The following ADAMTS9 variants were observed in gnomAD, a reference collection of about 807,000 sequenced individuals.
The protein encoded by ADAMTS9 is A disintegrin and metalloproteinase with thrombospondin motifs 9.
In ADAMTS9, 107 loss-of-function variants were observed where a neutral mutation model predicts 257.1. That is an observed-to-expected ratio of 0.42 (90% CI 0.36 to 0.49). The LOEUF is 0.49. ADAMTS9 is among the 20% of genes least tolerant of loss of function. The probability of loss-of-function intolerance (pLI) is 0.03; values close to 1 mark genes in which losing one functional copy is unlikely to be tolerated. For synonymous variants in ADAMTS9, 982 were observed against 880.9 expected, an observed-to-expected ratio of 1.11 and a Z score of -2.03; for missense variants, 2,353 against 2,469.1, an observed-to-expected ratio of 0.95 and a Z score of 1.00.
At chr3:64,666,062 G>A (rs1472716118) in intron 3 of ADAMTS9, among the ~76,000 whole-genome samples, 5 of 152,014 alleles carry the variant, frequency 3.3e-5, no homozygotes, top group African/African-American at 1.2e-4. Flanking sequence ...TTTAAAAAAA[G>A]GATTACAAAA....
intron 26 of ADAMTS9, among the ~76,000 whole-genome samples, chr3:64,597,334 G>A (rs750453151): frequency 1.8e-4 from 28 of 152,152 alleles, no homozygotes; most frequent in African/African-American, 5.5e-4. Flanking sequence ...TGATGGACAC[G>A]ACAGTTAATT....
At chr3:64,631,084 G>A (rs1472589478) in intron 16 of ADAMTS9, among the ~76,000 whole-genome samples, 1 of 152,152 alleles carries the variant, frequency 6.6e-6, no homozygotes, top group East Asian at 1.9e-4. Flanking sequence ...GTCAAGTAAT[G>A]CTTCTAATAA....
intron 23 of ADAMTS9, 138 bp from the exon 24 acceptor site, chr3:64,604,469 T>A (rs2106816141): frequency 1.0e-5 from 6 of 587,568 alleles, no homozygotes; most frequent in Non-Finnish European, 1.7e-5. Flanking sequence ...GCAAGTCACA[T>A]GACATCTCTC....
chr3:64,545,718 T>G (rs574955692), intron 32 of ADAMTS9, among the ~76,000 whole-genome samples: 17 of 152,210 alleles, frequency 1.1e-4, no homozygotes, highest in Non-Finnish European at 1.6e-4. Context: ...GTAACATACC[T>G]GCACTTTGTA....
At chr3:64,565,026 G>A (rs568429985) in intron 29 of ADAMTS9, among the ~76,000 whole-genome samples, 20 of 152,314 alleles carry the variant, frequency 1.3e-4, no homozygotes, top group South Asian at 4.1e-4. Context: ...TAGCAGGTCA[G>A]TGAGGGTGTG....
chr3:64,523,348 A>G (rs1015540160), intron 38 of ADAMTS9, among the ~76,000 whole-genome samples: 7 of 152,214 alleles, frequency 4.6e-5, no homozygotes, highest in Non-Finnish European at 8.8e-5. Flanking sequence ...GAAAATGCCC[A>G]GTCTGAAGTG....
intron 38 of ADAMTS9, among the ~76,000 whole-genome samples, chr3:64,525,921 T>G (rs2082904159): frequency 9.7e-6 from 1 of 103,586 alleles, no homozygotes. Flanking sequence ...AGTAGAAAAA[T>G]TATATTTACC....
chr3:64,545,311 A>G (rs1488386050), intron 32 of ADAMTS9, among the ~76,000 whole-genome samples: 1 of 152,230 alleles, frequency 6.6e-6, no homozygotes, highest in East Asian at 1.9e-4. Context: ...ATGCACACGT[A>G]TGTTTATTGT....
chr3:64,622,854 C>A (rs1300707075), intron 16 of ADAMTS9, among the ~76,000 whole-genome samples: 1 of 152,100 alleles, frequency 6.6e-6, no homozygotes, highest in African/African-American at 2.4e-5. Flanking sequence ...AAAATGTAAC[C>A]TAGGTGTCCT....
intron 37 of ADAMTS9, among the ~76,000 whole-genome samples, chr3:64,536,507 A>G (rs1405801407): frequency 6.6e-6 from 1 of 152,202 alleles, no homozygotes; most frequent in Admixed American, 6.5e-5. Flanking sequence ...GTTGTACAGG[A>G]GCAAATGTTG....
chr3:64,617,972 G>C (rs1029732863), intron 19 of ADAMTS9, among the ~76,000 whole-genome samples: 3 of 152,148 alleles, frequency 2.0e-5, no homozygotes, highest in Non-Finnish European at 4.4e-5. Context: ...TGGTTATATT[G>C]ACTGTCAGTT....
At chr3:64,662,110 A>G (rs1173368081) in intron 3 of ADAMTS9, among the ~76,000 whole-genome samples, 1 of 151,970 alleles carries the variant, frequency 6.6e-6, no homozygotes, top group Non-Finnish European at 1.5e-5. Flanking sequence ...ATGTTTTGGT[A>G]TGTTGAGTCT....
intron 16 of ADAMTS9, 70 bp downstream of exon 16, chr3:64,631,385 G>T: frequency 8.2e-7 from 1 of 1,222,116 alleles, no homozygotes; most frequent in Non-Finnish European, 1.2e-6. Flanking sequence ...TGCCAGAGAA[G>T]GAAGGAAGCA....
At chr3:64,656,751 T>G (rs1701081636) in intron 4 of ADAMTS9, among the ~76,000 whole-genome samples, 2 of 147,028 alleles carry the variant, frequency 1.4e-5, no homozygotes, top group African/African-American at 2.5e-5. Context: ...GAGCGGCATG[T>G]GGGGGTGAGA....
At position 64,602,160 on chromosome 3, in the gene ADAMTS9, G is replaced by T; in HGVS notation, c.3801C>A (p.Asn1267Lys). The T allele has an allele frequency of 6.2e-7, 1 of 1,614,098 alleles. No homozygotes were observed. The highest frequency in any genetic ancestry group is 1.1e-5 in the South Asian group (1 of 91,086). ...TCCGATCGATCACGTGGTCACTGTA[G>T]TTGACACACATCACTTGCCGGGTTG... ...GRATRQVMCV[N>K]YSDHVIDRSE... Residue 1267 changes from asparagine (N) to lysine (K), a missense_variant, in exon 26 of 40, where the codon AAC (asparagine) becomes AAA (lysine). Asn to Lys is a moderately conservative substitution (Grantham distance 94). Transcript: ENST00000498707.
intron 28 of ADAMTS9, among the ~76,000 whole-genome samples, chr3:64,584,892 A>T (rs1359291034): frequency 6.6e-6 from 1 of 152,098 alleles, no homozygotes; most frequent in Non-Finnish European, 1.5e-5. Flanking sequence ...ATACCGTACA[A>T]CTCTCTAAGT....
intron 3 of ADAMTS9, among the ~76,000 whole-genome samples, chr3:64,673,591 C>T (rs578135592): frequency 1.3e-5 from 2 of 152,228 alleles, no homozygotes; most frequent in South Asian, 2.1e-4. Flanking sequence ...CACAATCTAA[C>T]TGATGATTGT....
intron 3 of ADAMTS9, among the ~76,000 whole-genome samples, chr3:64,677,498 G>A (rs367879497): frequency 6.6e-6 from 1 of 152,200 alleles, no homozygotes; most frequent in Non-Finnish European, 1.5e-5. Context: ...CTGGCAGGGT[G>A]ACCTTGGGCA....
rs775352151 is a variant in ADAMTS9, at chr3:64,615,308, C to T, written c.3189+13G>A. On this transcript the variant is annotated intron_variant, in intron 21 of 39. Coordinates refer to ENST00000498707, the MANE Select transcript of ADAMTS9 (RefSeq NM_182920.2). Reference sequence around the variant, plus strand: ...GAGATGACCTAGGGGAAATAACAGCCCTCCCATCTTACCTCTGACCAGTCT... The same window carrying T: ...GAGATGACCTAGGGGAAATAACAGCTCTCCCATCTTACCTCTGACCAGTCT... 1 of 1,611,862 alleles carries T rather than the reference C, an allele frequency of 6.2e-7. No individual in the cohort carries two copies. The highest frequency in any genetic ancestry group is 8.5e-7 in the Non-Finnish European group (1 of 1,178,936).
Sources: gnomAD v4.1 joint callset for allele counts (sites outside exome capture counted in the v4.1 genomes callset) on GRCh38, gnomAD v4.1.1 for gene constraint, MANE v1.5 for transcripts, NCBI Gene and HGNC (gene_info 2026-07-23, HGNC 2026-07-21) for gene names.